SYNCRIP: variants seen among roughly 807,000 people sequenced by gnomAD.
SYNCRIP encodes the protein heterogeneous nuclear ribonucleoprotein Q.
SYNCRIP carries 9 observed loss-of-function variants against 68.9 expected under a neutral mutation model. That is an observed-to-expected ratio of 0.13 (90% CI 0.08 to 0.23). The LOEUF (loss-of-function observed/expected upper bound fraction) is 0.23. Ranked by LOEUF, SYNCRIP falls within the 10% of genes least tolerant of loss-of-function variation. The pLI, the probability that SYNCRIP is intolerant of heterozygous loss-of-function variation, is 1.00. For synonymous variants in SYNCRIP, 258 were observed against 254.0 expected (o/e 1.02, Z -0.15); for missense variants, 414 against 770.6 (o/e 0.54, Z 5.48).
At chr6:85,634,360 T>G (rs1808191696) in intron 6 of SYNCRIP, among the ~76,000 whole-genome samples, 1 of 152,222 alleles carries the variant, frequency 6.6e-6, no homozygotes, top group African/African-American at 2.4e-5. Flanking sequence ...TTGGTACATT[T>G]TGACGGCAAG....
rs78554752 is a variant in SYNCRIP, at chr6:85,623,258, G to A, written c.803-571C>T. On this transcript the variant is annotated intron_variant, in intron 7 of 10. Transcript: ENST00000369622. ...GTTCAAAAAATTTTTTTACCATGTT[G>A]ACAATATATAAACTCTGTTTATGGG... is the stretch of plus-strand genomic sequence containing the variant. 3.9e-4 allele frequency among the ~76,000 whole-genome samples: 59 copies of A among 152,002 alleles called. 2 individuals carry two copies. In the East Asian group the frequency reaches 0.011, roughly 29 times the overall value.
rs1371824137 is a variant in SYNCRIP at position 85,618,956 on chromosome 6, A to C, written c.1159-17T>G. 1 of 1,593,572 alleles carries C rather than the reference A, an allele frequency of 6.3e-7. No individual in the cohort carries two copies. The highest frequency in any genetic ancestry group is 8.6e-7 in the Non-Finnish European group (1 of 1,169,042). ...TTCCATAGCCTTAAAAAATTAGATA[A>C]GTCAATATAAAAATAGGACTTTCAT... On this transcript the variant is annotated splice_polypyrimidine_tract_variant and intron_variant, in intron 9 of 10. Transcript: ENST00000369622.
intron 6 of SYNCRIP, among the ~76,000 whole-genome samples, chr6:85,629,800 C>A (rs1807504245): frequency 6.6e-6 from 1 of 151,482 alleles, no homozygotes; most frequent in Non-Finnish European, 1.5e-5. Flanking sequence ...CCAGCCTGGG[C>A]AACAAGGCGA....
At chr6:85,636,868 T>C (rs1264441221) in intron 6 of SYNCRIP, 99 bp downstream of exon 6, 2 of 1,243,930 alleles carry the variant, frequency 1.6e-6, no homozygotes, top group Admixed American at 2.5e-5. Context: ...AAATCAGTAC[T>C]TCAAAAAATG....
At position 85,614,878 on chromosome 6, in the gene SYNCRIP, T is replaced by A; in HGVS notation, c.1750A>T (p.Asn584Tyr). The A allele has an allele frequency of 6.2e-7, 1 of 1,614,202 alleles. No homozygotes were observed. The highest frequency in any genetic ancestry group is 8.5e-7 in the Non-Finnish European group (1 of 1,180,036). Residue 584 changes from asparagine to tyrosine, a missense_variant, in exon 11 of 11, where the codon AAC becomes TAC. Around this residue, in one of 6 missense-constraint regions of SYNCRIP, gnomAD observed 130 missense variants for 149.0 expected, o/e 0.87. Coordinates refer to ENST00000369622, the MANE Select transcript of SYNCRIP (RefSeq NM_006372.5). Reference protein sequence around the residue: ...DSKRRQTNNQNWGSQPIAQQP... With the variant: ...DSKRRQTNNQYWGSQPIAQQP... ...TGAGCAATGGGTTGGGAGCCCCAGT[T>A]CTGATTATTGGTCTGGCGCCGCTTG...
intron 8 of SYNCRIP, among the ~76,000 whole-genome samples, chr6:85,621,519 GAGA>G (rs1289831020): frequency 6.6e-6 from 1 of 151,188 alleles, no homozygotes; most frequent in East Asian, 2.0e-4. Context: ...AGGCTGAGGT[GAGA>G]AGATCTCTTG....
chr6:85,629,727 C>G (rs1807491203), intron 6 of SYNCRIP, among the ~76,000 whole-genome samples: 1 of 151,988 alleles, frequency 6.6e-6, no homozygotes, highest in Admixed American at 6.6e-5. Context: ...GAGGCTGAGG[C>G]AGAAGAATCG....
At chr6:85,632,180 A>T (rs2128295528) in intron 6 of SYNCRIP, among the ~76,000 whole-genome samples, 2 of 152,280 alleles carry the variant, frequency 1.3e-5, no homozygotes, top group Middle Eastern at 6.8e-3. Context: ...ACCTAGAGAA[A>T]CTATTCATTG....
downstream of SYNCRIP, chr6:85,610,433 CTTTT>C (rs1404916726): frequency 1.3e-5 from 2 of 151,908 alleles, no homozygotes; most frequent in African/African-American, 4.8e-5. Context: ...TCTTCAATTT[CTTTT>C]TATCAGTTTC....
rs545930732 is a variant in SYNCRIP at position 85,623,727 on chromosome 6, T to C, written c.802+250A>G. ...ATCTTCCAAAACATAGGAAGAACAATGATTTTGCAGAATGAATTCAAACCC... is the reference window on the plus strand; with the variant it reads ...ATCTTCCAAAACATAGGAAGAACAACGATTTTGCAGAATGAATTCAAACCC... On this transcript the variant is annotated intron_variant, in intron 7 of 10. Coordinates refer to ENST00000369622, the MANE Select transcript of SYNCRIP (RefSeq NM_006372.5). 3.9e-5 allele frequency among the ~76,000 whole-genome samples: 6 copies of C among 152,222 alleles called. No individual in the cohort carries two copies. The South Asian group carries it at 1.2e-3, about 32-fold the overall frequency.
Position 85,623,242 on chromosome 6 carries a change from AT to A in SYNCRIP, c.803-556del, listed in dbSNP as rs767580411. Among the ~76,000 whole-genome samples, 4 of 152,008 alleles carry A rather than the reference AT, an allele frequency of 2.6e-5. No individual in the cohort carries two copies. The South Asian group carries it at 8.3e-4, about 32-fold the overall frequency. ...CTTAAAAGTTGTTACAGTTCAAAAAATTTTTTTACCATGTTGACAATATATA... is the reference window on the plus strand; with the variant it reads ...CTTAAAAGTTGTTACAGTTCAAAAAATTTTTTACCATGTTGACAATATATA... On this transcript the variant is annotated intron_variant, in intron 7 of 10. Transcript: ENST00000369622.
At chr6:85,612,743 T>C, downstream of SYNCRIP, 2 of 843,996 alleles carry the variant, frequency 2.4e-6, no homozygotes, top group East Asian at 6.1e-5. Flanking sequence ...ATGTCCCGTA[T>C]TTGATTCCAT....
At chr6:85,635,371 C>T (rs766902162) in intron 6 of SYNCRIP, among the ~76,000 whole-genome samples, 2 of 152,154 alleles carry the variant, frequency 1.3e-5, no homozygotes, top group Non-Finnish European at 2.9e-5. Context: ...TTCTCAAATT[C>T]TCTTTGTAAA....
chr6:85,643,605 G>GC (rs1392166934), upstream of SYNCRIP: 1 of 50,494 alleles, frequency 2.0e-5, no homozygotes, highest in Non-Finnish European at 4.3e-5. Context: ...TCCCCACCCC[G>GC]CCCCACCCCA....
chr6:85,642,446 G>A, intron 1 of SYNCRIP, among the ~76,000 whole-genome samples: 1 of 152,084 alleles, frequency 6.6e-6, no homozygotes, highest in Non-Finnish European at 1.5e-5. Context: ...GCCCAAGCTC[G>A]CCGCACGGCT....
chr6:85,634,911 T>C (rs1223853035), intron 6 of SYNCRIP, among the ~76,000 whole-genome samples: 4 of 152,186 alleles, frequency 2.6e-5, no homozygotes, highest in African/African-American at 9.7e-5. Context: ...GGCTCATGCC[T>C]GTCATCCCAG....
At chr6:85,636,517 C>T (rs970775735) in intron 6 of SYNCRIP, among the ~76,000 whole-genome samples, 9 of 152,066 alleles carry the variant, frequency 5.9e-5, no homozygotes, top group Non-Finnish European at 1.0e-4. Flanking sequence ...TACCTAACAT[C>T]TGGTATTTTT....
intron 6 of SYNCRIP, among the ~76,000 whole-genome samples, chr6:85,636,278 C>G (rs1314872102): frequency 6.6e-6 from 1 of 151,994 alleles, no homozygotes; most frequent in Non-Finnish European, 1.5e-5. Context: ...AACCCCATCT[C>G]TACTAAAAAT....
At chr6:85,640,385 T>G (rs1008588868) in intron 3 of SYNCRIP, 57 bp from the exon 4 acceptor site, 1 of 1,585,652 alleles carries the variant, frequency 6.3e-7, no homozygotes, top group Admixed American at 1.7e-5. Flanking sequence ...TCTAATAAAA[T>G]TCAGCAGATA....
Sources: allele counts gnomAD v4.1 joint callset (sites outside exome capture counted in the v4.1 genomes callset), GRCh38; gene constraint gnomAD v4.1.1; regional missense constraint gnomAD v4.1.1; transcripts MANE v1.5; gene names NCBI Gene and HGNC (gene_info 2026-07-23, HGNC 2026-07-21).